VGLL4: variants seen among roughly 807,000 people sequenced by gnomAD.
VGLL4 encodes transcription cofactor vestigial-like protein 4.
A neutral mutation model predicts 21.0 loss-of-function variants in VGLL4; 7 were observed. The ratio of observed to expected loss-of-function variants is 0.33; its 90% confidence interval spans 0.19 to 0.63. The LOEUF is 0.63. Ranked by LOEUF, VGLL4 falls within the 20% of genes least tolerant of loss-of-function variation. VGLL4 has a pLI of 0.78. For missense variants in VGLL4, 394 were observed against 425.7 expected, an observed-to-expected ratio of 0.93 and a Z score of 0.66; for synonymous variants, 222 against 173.2, an observed-to-expected ratio of 1.28 and a Z score of -2.21.
chr3:11,619,865 C>T (rs2075231904), intron 1 of VGLL4, among the ~76,000 whole-genome samples: 1 of 152,098 alleles, frequency 6.6e-6, no homozygotes, highest in Non-Finnish European at 1.5e-5. Flanking sequence ...TCTGTAGGAA[C>T]CAACATGCAT....
intron 1 of VGLL4, among the ~76,000 whole-genome samples, chr3:11,615,564 A>G (rs973167108): frequency 2.6e-5 from 4 of 152,240 alleles, no homozygotes; most frequent in Non-Finnish European, 4.4e-5. Flanking sequence ...TTGCTCTGTT[A>G]GAAACAAGTA....
intron 2 of VGLL4, among the ~76,000 whole-genome samples, chr3:11,663,104 C>T (rs2076059505): frequency 6.6e-6 from 1 of 152,114 alleles, no homozygotes; most frequent in Non-Finnish European, 1.5e-5. Flanking sequence ...ATGAAAACAA[C>T]ATGAGCCAGG....
At chr3:11,701,191 GC>G (rs1413080050) in intron 2 of VGLL4, among the ~76,000 whole-genome samples, 1 of 152,098 alleles carries the variant, frequency 6.6e-6, no homozygotes, top group African/African-American at 2.4e-5. Context: ...CTCATGAATG[GC>G]ACGGTGATGA....
rs768290568 is a variant in VGLL4 at position 11,677,277 on chromosome 3, A to AT, written c.64+25693dup. ...ATATTTTTTAAAAGAACAGACTGCA[A>AT]TTTTTTTTTTTTTTGACAGGGTCTC... On this transcript the variant is annotated intron_variant, in intron 2 of 5. Coordinates refer to the VGLL4 transcript ENST00000273038. 7.8e-3 allele frequency among the ~76,000 whole-genome samples: 1,131 copies of AT among 145,018 alleles called. 9 individuals carry two copies. The highest frequency in any genetic ancestry group is 0.013 in the African/African-American group (522 of 39,806).
intron 2 of VGLL4, among the ~76,000 whole-genome samples, chr3:11,594,374 G>T (rs927954269): frequency 6.6e-6 from 1 of 152,200 alleles, no homozygotes; most frequent in Non-Finnish European, 1.5e-5. Flanking sequence ...GTAGAAATGT[G>T]CCTACCTAGT....
intron 1 of VGLL4, among the ~76,000 whole-genome samples, chr3:11,606,919 T>TA (rs1166934244): frequency 6.6e-6 from 1 of 152,088 alleles, no homozygotes; most frequent in African/African-American, 2.4e-5. Flanking sequence ...TTAAGAGCTG[T>TA]AACACTCACC....
At chr3:11,572,978 A>G (rs572937960) in intron 2 of VGLL4, among the ~76,000 whole-genome samples, 19 of 151,896 alleles carry the variant, frequency 1.3e-4, no homozygotes, top group African/African-American at 4.6e-4. Flanking sequence ...GACCGGCCTG[A>G]CCAACATGGC....
At chr3:11,570,709 G>A (rs1351347266) in intron 2 of VGLL4, among the ~76,000 whole-genome samples, 2 of 152,150 alleles carry the variant, frequency 1.3e-5, no homozygotes, top group Non-Finnish European at 2.9e-5. Context: ...AAAATTTAAG[G>A]AACATTTAAA....
rs1159542128 is a variant in VGLL4, at chr3:11,685,338, AC to A, written c.64+17632del. 5.3e-5 allele frequency among the ~76,000 whole-genome samples: 8 copies of A among 152,098 alleles called. No homozygotes were observed. In the South Asian group the frequency reaches 1.7e-3, roughly 32 times the overall value. ...CTCAGCCTCCTGAGTAGCTGGGAAT[AC>A]AGGCGCGTGCCCCCACAGCTGGCTA... On this transcript the variant is annotated intron_variant, in intron 2 of 5. Transcript: ENST00000273038.
chr3:11,658,667 C>T (rs918453645), intron 2 of VGLL4, among the ~76,000 whole-genome samples: 1 of 121,108 alleles, frequency 8.3e-6, no homozygotes, highest in African/African-American at 3.5e-5. Flanking sequence ...CGGCATGTGG[C>T]ACGCTATTCT....
intron 1 of VGLL4, among the ~76,000 whole-genome samples, chr3:11,631,597 C>T (rs1197102577): frequency 2.0e-5 from 3 of 152,104 alleles, no homozygotes; most frequent in Non-Finnish European, 2.9e-5. Context: ...TAAACTGCAC[C>T]GTAACTGCTA....
At chr3:11,648,478 A>C (rs1461478567), upstream of VGLL4, among the ~76,000 whole-genome samples, 3 of 152,254 alleles carry the variant, frequency 2.0e-5, no homozygotes, top group African/African-American at 7.2e-5. Context: ...GAATAGGAAA[A>C]CATTTGCTAA....
chr3:11,621,001 G>C (rs150762129), intron 1 of VGLL4, among the ~76,000 whole-genome samples: 6 of 152,278 alleles, frequency 3.9e-5, no homozygotes, highest in African/African-American at 7.2e-5. Flanking sequence ...CTGGCACTCA[G>C]GTGTTCTCTG....
At chr3:11,654,546 T>C (rs17034996) in intron 2 of VGLL4, among the ~76,000 whole-genome samples, 1 of 152,106 alleles carries the variant, frequency 6.6e-6, no homozygotes, top group Non-Finnish European at 1.5e-5. Context: ...GAATTTTACC[T>C]TATTAGCTTT....
chr3:11,693,859 A>G (rs576774409), intron 2 of VGLL4, among the ~76,000 whole-genome samples: 2 of 151,952 alleles, frequency 1.3e-5, no homozygotes, highest in South Asian at 4.1e-4. Context: ...CTCTTTACTG[A>G]TAGATTAGTG....
At chr3:11,702,903 T>G in intron 2 of VGLL4, 1 of 1,442,242 alleles carries the variant, frequency 6.9e-7, no homozygotes, top group South Asian at 1.4e-5. Flanking sequence ...CATGTAATTT[T>G]GTTATGGAGC....
At chr3:11,699,033 A>G (rs1453768650) in intron 2 of VGLL4, among the ~76,000 whole-genome samples, 1 of 152,218 alleles carries the variant, frequency 6.6e-6, no homozygotes, top group East Asian at 1.9e-4. Flanking sequence ...TAAGAGGCCC[A>G]AATCAGATTA....
At chr3:11,606,544 C>T (rs2074945139) in intron 1 of VGLL4, among the ~76,000 whole-genome samples, 1 of 152,198 alleles carries the variant, frequency 6.6e-6, no homozygotes, top group South Asian at 2.1e-4. Context: ...ACTTAGAGAA[C>T]TTTTCTGTCT....
chr3:11,590,682 G>GTGTGTGTGTC (rs2074472396), intron 2 of VGLL4, among the ~76,000 whole-genome samples: 1 of 149,260 alleles, frequency 6.7e-6, no homozygotes, highest in East Asian at 2.0e-4. Flanking sequence ...GTGTGTGTGT[G>GTGTGTGTGTC]TGTGTGTGTG....
Sources: gnomAD v4.1 joint callset for allele counts (sites outside exome capture counted in the v4.1 genomes callset) on GRCh38, gnomAD v4.1.1 for gene constraint, MANE v1.5 for transcripts, NCBI Gene and HGNC (gene_info 2026-07-23, HGNC 2026-07-21) for gene names.